Variants in PARP15 observed in about 807,000 individuals in gnomAD.
PARP15 encodes poly(ADP-ribose) polymerase family member 15, also known as protein mono-ADP-ribosyltransferase PARP15.
Under a neutral mutation model 62.1 loss-of-function variants are expected in PARP15, and 50 were observed. The ratio of observed to expected loss-of-function variants is 0.81; its 90% CI spans 0.64 to 1.02. PARP15 has a LOEUF of 1.02. Among genes scored for constraint, PARP15 ranks in the 50% least tolerant of loss-of-function variants. PARP15 has a pLI of 0.00. For synonymous variants in PARP15, 309 were observed against 293.1 expected (o/e 1.05, Z -0.55); for missense variants, 820 against 826.5 (o/e 0.99, Z 0.10).
intron 7 of PARP15, 41 bp downstream of exon 7, chr3:122,619,884 A>G: frequency 6.5e-7 from 1 of 1,529,814 alleles, no homozygotes; most frequent in Non-Finnish European, 9.1e-7. Flanking sequence ...CTTGAAAATC[A>G]GAGGGCTGAG....
chr3:122,586,801 A>C (rs1346405545), intron 1 of PARP15, among the ~76,000 whole-genome samples: 1 of 151,706 alleles, frequency 6.6e-6, no homozygotes, highest in South Asian at 2.1e-4. Flanking sequence ...ACATTGACAC[A>C]TCATTATCAC....
chr3:122,605,875 C>A, intron 1 of PARP15, 61 bp from the exon 2 acceptor site: 1 of 1,524,164 alleles, frequency 6.6e-7, no homozygotes, highest in Non-Finnish European at 8.8e-7. Flanking sequence ...GCCACCGCAC[C>A]TGGCCTAAGA....
rs76279774 is a variant in PARP15, at chr3:122,589,888, C to T, written c.186+12035C>T. Among the ~76,000 whole-genome samples, 324 of 102,028 alleles carry T rather than the reference C, an allele frequency of 3.2e-3. 6 individuals are homozygous for T. Among genetic ancestry groups the T allele is most frequent in the Admixed American group, 3.1e-3 (29 of 9,252 alleles). The allele number at this position is 102,028 out of a possible 152,430, so 66.9% of individuals were successfully genotyped here. On this transcript the variant is annotated intron_variant, in intron 1 of 11. Transcript: ENST00000464300. The stretch of plus-strand genomic sequence containing the variant: ...AAAATGTATTATTTGTAAGGCATAA[C>T]TTTTTTTTTTTTTTTTTTTTTGAGA...
Position 122,613,273 on chromosome 3 carries a change from G to T in PARP15, c.771+5G>T. 1.3e-6 allele frequency: 2 copies of T among 1,530,414 alleles called. No homozygotes were observed. Among genetic ancestry groups the T allele is most frequent in the Admixed American group, 3.9e-5 (2 of 50,990 alleles). The allele number at this position is 1,530,414 out of a possible 1,614,324, so 94.8% of individuals were successfully genotyped here. On this transcript the variant is annotated splice_donor_5th_base_variant and intron_variant, in intron 4 of 11. Coordinates refer to ENST00000464300, the MANE Select transcript of PARP15 (RefSeq NM_001113523.3). ...AATGACGATGAAGGCTGTCAGGTAT[G>T]GTTACATATCCCATCTGGTTAATTC...
Position 122,577,840 on chromosome 3 carries a change from C to T in PARP15, c.173C>T (p.Ser58Phe), listed in dbSNP as rs1379536740. ...RGARKASRRS[S>F]SRSMSRDNKF... ...GCGCGGAAGGCCTCCCGGCGCTCTT[C>T]CTCCCGGAGTATGGTGAGGAGCGCG... The change falls in exon 1 of 12, where the codon TCC (serine) becomes TTC (phenylalanine). Residue 58 changes from serine (S) to phenylalanine (F), a missense_variant. Transcript: ENST00000464300. 9 of 1,549,270 alleles carry T rather than the reference C, an allele frequency of 5.8e-6. No homozygotes were observed. The highest frequency in any genetic ancestry group is 2.4e-5 in the East Asian group (1 of 40,898).
chr3:122,609,572 C>T (rs1205878969), intron 2 of PARP15, among the ~76,000 whole-genome samples: 1 of 152,066 alleles, frequency 6.6e-6, no homozygotes, highest in African/African-American at 2.4e-5. Flanking sequence ...GTGGCACATG[C>T]CTGTAATCCC....
rs1013244588 is a variant in PARP15 at position 122,610,558 on chromosome 3, C to T, written c.371C>T (p.Ala124Val). The change falls in exon 3 of 12, where the codon GCA becomes GTA. Residue 124 changes from alanine to valine, a missense_variant. This residue lies in a region of PARP15 where 731 missense variants were observed against 727.7 expected (regional missense o/e 1.00). Coordinates refer to ENST00000464300, the MANE Select transcript of PARP15 (RefSeq NM_001113523.3). ...LQLGGGPLSR[A>V]FLQKAGPMLQ... is the part of the protein sequence containing the mutation. ...CTTGGAGGAGGACCACTATCTCGGG[C>T]ATTTTTGCAGAAAGCTGGTCCCATG... 2 of 1,551,708 alleles carry T rather than the reference C, an allele frequency of 1.3e-6. No homozygotes were observed. Among genetic ancestry groups the T allele is most frequent in the Non-Finnish European group, 8.7e-7 (1 of 1,146,984 alleles).
intron 9 of PARP15, among the ~76,000 whole-genome samples, chr3:122,629,042 A>G (rs1003785177): frequency 6.6e-6 from 1 of 152,242 alleles, no homozygotes; most frequent in Non-Finnish European, 1.5e-5. Flanking sequence ...TATTAGAAAT[A>G]TAGATTTGGG....
At chr3:122,578,766 T>C (rs192265840) in intron 1 of PARP15, among the ~76,000 whole-genome samples, 1 of 152,334 alleles carries the variant, frequency 6.6e-6, no homozygotes, top group Admixed American at 6.5e-5. Flanking sequence ...TTTGGAATTT[T>C]TATTGGGATT....
At chr3:122,602,706 T>C (rs571959459) in intron 1 of PARP15, among the ~76,000 whole-genome samples, 3 of 152,104 alleles carry the variant, frequency 2.0e-5, no homozygotes, top group Admixed American at 6.5e-5. Context: ...GCATTGTTGC[T>C]TGTATTTATT....
intron 8 of PARP15, among the ~76,000 whole-genome samples, chr3:122,625,785 C>T (rs574480189): frequency 6.6e-6 from 1 of 152,302 alleles, no homozygotes; most frequent in South Asian, 2.1e-4. Flanking sequence ...CTTACTTCAG[C>T]CCCCCGTCCA....
intron 8 of PARP15, among the ~76,000 whole-genome samples, chr3:122,626,249 A>C (rs1318090185): frequency 7.5e-6 from 1 of 132,954 alleles, no homozygotes; most frequent in African/African-American, 2.9e-5. Flanking sequence ...CCCAGGCTGG[A>C]GTGCAGTGGC....
chr3:122,615,038 A>AG, intron 4 of PARP15: 3 of 970,124 alleles, frequency 3.1e-6, no homozygotes, highest in Non-Finnish European at 3.7e-6. Flanking sequence ...TGCAAAAAAA[A>AG]AAAAAAAAGA....
At chr3:122,594,950 G>T (rs376316824) in intron 1 of PARP15, 2 of 854,096 alleles carry the variant, frequency 2.3e-6, no homozygotes, top group Non-Finnish European at 2.8e-6. Context: ...TCCCAGAGGA[G>T]GGTTCAGCCC....
intron 8 of PARP15, among the ~76,000 whole-genome samples, chr3:122,623,618 G>A (rs1291403101): frequency 6.6e-6 from 1 of 152,194 alleles, no homozygotes; most frequent in African/African-American, 2.4e-5. Flanking sequence ...CCCAGAGGAG[G>A]AAGTGGGAGG....
At chr3:122,633,486 A>G (rs926677630) in intron 10 of PARP15, among the ~76,000 whole-genome samples, 13 of 151,850 alleles carry the variant, frequency 8.6e-5, no homozygotes, top group African/African-American at 2.9e-4. Context: ...GGTGAGGCCT[A>G]TGATGGTTGA....
intron 1 of PARP15, among the ~76,000 whole-genome samples, chr3:122,578,390 A>G (rs1361262077): frequency 6.6e-6 from 1 of 152,120 alleles, no homozygotes; most frequent in Admixed American, 6.6e-5. Context: ...TAGATCTATA[A>G]TACATTTGGA....
At chr3:122,609,316 A>C (rs1401037421) in intron 2 of PARP15, among the ~76,000 whole-genome samples, 1 of 152,206 alleles carries the variant, frequency 6.6e-6, no homozygotes, top group Non-Finnish European at 1.5e-5. Flanking sequence ...GCCGATTATT[A>C]GGTTGAGAAA....
intron 9 of PARP15, 86 bp downstream of exon 9, chr3:122,627,119 T>A: frequency 8.6e-7 from 1 of 1,160,454 alleles, no homozygotes; most frequent in Non-Finnish European, 1.2e-6. Flanking sequence ...ACTGAGTTTA[T>A]AGTTTTCTAT....
Sources: allele counts gnomAD v4.1 joint callset (sites outside exome capture counted in the v4.1 genomes callset), GRCh38; gene constraint gnomAD v4.1.1; regional missense constraint gnomAD v4.1.1; transcripts MANE v1.5; gene names NCBI Gene and HGNC (gene_info 2026-07-23, HGNC 2026-07-21).